IL1RAPL2: variants seen among roughly 807,000 people sequenced by gnomAD.
IL1RAPL2 encodes the protein interleukin 1 receptor accessory protein like 2.
In IL1RAPL2, 3 loss-of-function variants were observed where a neutral mutation model predicts 44.1. The ratio of observed to expected loss-of-function variants is 0.07; its 90% confidence interval spans 0.03 to 0.18. IL1RAPL2 has a LOEUF of 0.18. Ranked by LOEUF, IL1RAPL2 falls within the 10% of genes least tolerant of loss-of-function variation. IL1RAPL2 has a pLI of 1.00. For missense variants in IL1RAPL2, 391 were observed against 496.4 expected, an observed-to-expected ratio of 0.79 and a Z score of 2.02; for synonymous variants, 181 against 178.8, an observed-to-expected ratio of 1.01 and a Z score of -0.10.
chrX:105,489,913 C>T (rs1211133405), intron 6 of IL1RAPL2, among the ~76,000 whole-genome samples: 1 of 107,612 alleles, frequency 9.3e-6, no homozygotes, highest in Non-Finnish European at 1.9e-5. Flanking sequence ...CTGCAACCTC[C>T]GCCTCCCGGG....
chrX:104,639,328 G>GT (rs1929887686), intron 1 of IL1RAPL2, among the ~76,000 whole-genome samples: 1 of 110,937 alleles, frequency 9.0e-6, no homozygotes, highest in Admixed American at 9.6e-5. Context: ...TACTGGTAAG[G>GT]TGAGTTTCTT....
chrX:105,315,209 C>G (rs1603061136), intron 5 of IL1RAPL2, among the ~76,000 whole-genome samples: 1 of 110,180 alleles, frequency 9.1e-6, no homozygotes, highest in East Asian at 2.9e-4. Context: ...ACAAACCAGC[C>G]TGGTCCATCA....
Position 104,566,715 on chromosome X carries a change from T to C in IL1RAPL2, c.-356T>C, listed in dbSNP as rs1928038842. ...CAGAGGCAGCATCTGCCATTCTAAC[T>C]ACGGAGCTGAGTAATTTAGAAACCC... On this transcript the variant is annotated 5_prime_UTR_variant, in exon 1 of 11. Transcript: ENST00000372582. 8.8e-6 allele frequency: 1 copy of C among 113,115 alleles called. No homozygotes were observed. Among genetic ancestry groups the C allele is most frequent in the Admixed American group, 9.2e-5 (1 of 10,836 alleles). The allele number at this position is 113,115 out of a possible 1,213,427, so 9.3% of individuals were successfully genotyped here.
intron 5 of IL1RAPL2, among the ~76,000 whole-genome samples, chrX:105,283,766 T>C (rs989198895): frequency 4.5e-5 from 5 of 110,992 alleles, no homozygotes; most frequent in African/African-American, 1.6e-4. Flanking sequence ...GAACTAGATA[T>C]ATAAAATTTG....
chrX:105,358,037 TAAAAAA>T (rs774626399), intron 5 of IL1RAPL2, among the ~76,000 whole-genome samples: 1 of 40,816 alleles, frequency 2.5e-5, no homozygotes, highest in Non-Finnish European at 4.9e-5. Context: ...ATCCTATTTC[TAAAAAA>T]AAAAAAAAAA....
intron 5 of IL1RAPL2, among the ~76,000 whole-genome samples, chrX:105,352,237 C>T (rs1051313312): frequency 5.4e-5 from 6 of 111,844 alleles, no homozygotes; most frequent in Admixed American, 9.5e-5. Flanking sequence ...GCTGCCACCC[C>T]GAACTTTTTA....
At chrX:105,448,234 G>T (rs916469622) in intron 5 of IL1RAPL2, among the ~76,000 whole-genome samples, 10 of 109,517 alleles carry the variant, frequency 9.1e-5, no homozygotes, top group Non-Finnish European at 1.3e-4. Context: ...GGTTAAGTGT[G>T]CTGGGTGTTC....
At chrX:105,490,912 A>G (rs1333868697) in intron 6 of IL1RAPL2, among the ~76,000 whole-genome samples, 1 of 112,180 alleles carries the variant, frequency 8.9e-6, no homozygotes, top group African/African-American at 3.2e-5. Flanking sequence ...CTCATGTTCT[A>G]TATGCTTAGG....
At chrX:104,830,826 C>G (rs1921585414) in intron 2 of IL1RAPL2, among the ~76,000 whole-genome samples, 1 of 112,093 alleles carries the variant, frequency 8.9e-6, no homozygotes. Context: ...GTTACAGTGT[C>G]ACATGGCAAT....
chrX:104,969,011 G>A (rs756770765), intron 2 of IL1RAPL2, among the ~76,000 whole-genome samples: 1 of 108,012 alleles, frequency 9.3e-6, no homozygotes, highest in African/African-American at 3.4e-5. Context: ...GTGTGTGTGT[G>A]TGTGTGTGTG....
intron 2 of IL1RAPL2, among the ~76,000 whole-genome samples, chrX:105,091,780 G>A (rs2032545928): frequency 9.0e-6 from 1 of 111,687 alleles, no homozygotes; most frequent in Non-Finnish European, 1.9e-5. Flanking sequence ...TATCTTGTTT[G>A]TTCCCCATTA....
intron 2 of IL1RAPL2, among the ~76,000 whole-genome samples, chrX:104,792,264 G>A (rs1428131247): frequency 9.1e-6 from 1 of 110,474 alleles, no homozygotes; most frequent in African/African-American, 3.3e-5. Flanking sequence ...AAATGATTGG[G>A]GCACAACGAT....
chrX:104,593,058 T>A (rs1353662899), intron 1 of IL1RAPL2, among the ~76,000 whole-genome samples: 1 of 111,812 alleles, frequency 8.9e-6, no homozygotes, highest in African/African-American at 3.2e-5. Context: ...TCTAGTAACA[T>A]AGGCAAAACA....
At chrX:105,211,586 A>C (rs2033808392) in intron 3 of IL1RAPL2, among the ~76,000 whole-genome samples, 1 of 111,149 alleles carries the variant, frequency 9.0e-6, no homozygotes, top group Non-Finnish European at 1.9e-5. Context: ...ACCCTGATGC[A>C]ACTCCCCAGC....
At chrX:105,570,473 C>T (rs956614623) in intron 6 of IL1RAPL2, among the ~76,000 whole-genome samples, 1 of 111,976 alleles carries the variant, frequency 8.9e-6, no homozygotes, top group African/African-American at 3.2e-5. Context: ...ACTAGTGGGA[C>T]TTCTGGATTG....
chrX:105,107,702 T>C (rs996815902), intron 2 of IL1RAPL2, among the ~76,000 whole-genome samples: 1 of 111,495 alleles, frequency 9.0e-6, no homozygotes, highest in Non-Finnish European at 1.9e-5. Context: ...CCACTTTTAA[T>C]GAATTCATTC....
At chrX:105,496,438 GAA>G (rs977510794) in intron 6 of IL1RAPL2, among the ~76,000 whole-genome samples, 3 of 112,451 alleles carry the variant, frequency 2.7e-5, no homozygotes, top group African/African-American at 9.7e-5. Flanking sequence ...TCTTGAGAAA[GAA>G]AGAGAATCAT....
chrX:104,663,718 G>A (rs1048737480), intron 2 of IL1RAPL2, among the ~76,000 whole-genome samples: 22 of 105,839 alleles, frequency 2.1e-4, no homozygotes, highest in African/African-American at 6.9e-4. Flanking sequence ...TAGGTCATTG[G>A]AAGTGATATA....
intron 3 of IL1RAPL2, chrX:105,219,213 T>C (rs782184380): frequency 8.3e-7 from 1 of 1,210,970 alleles, no homozygotes; most frequent in East Asian, 3.0e-5. Context: ...GAGGCGGAAC[T>C]GGTGCTGTGA....
Sources: gnomAD v4.1 joint callset for allele counts (sites outside exome capture counted in the v4.1 genomes callset) on GRCh38, gnomAD v4.1.1 for gene constraint, MANE v1.5 for transcripts, NCBI Gene and HGNC (gene_info 2026-07-23, HGNC 2026-07-21) for gene names.